CEACAM3: variants seen among roughly 807,000 people sequenced by gnomAD.
CEACAM3 encodes the protein CEA cell adhesion molecule 3.
In CEACAM3, 32 loss-of-function variants were observed where a neutral mutation model predicts 30.1. The observed-to-expected ratio is 1.06, with a 90% confidence interval of 0.80 to 1.43. The LOEUF (loss-of-function observed/expected upper bound fraction) is 1.43, where lower values mean the gene tolerates loss of function less well. Ranked by LOEUF, CEACAM3 falls within the 40% of genes most tolerant of loss-of-function variation. CEACAM3 has a pLI of 0.00. For synonymous variants in CEACAM3, 134 were observed against 127.2 expected, an observed-to-expected ratio of 1.05 and a Z score of -0.36; for missense variants, 290 against 316.3, an observed-to-expected ratio of 0.92 and a Z score of 0.63.
At chr19:41,802,646 C>A (rs2073161016) in intron 2 of CEACAM3, among the ~76,000 whole-genome samples, 1 of 152,152 alleles carries the variant, frequency 6.6e-6, no homozygotes, top group Non-Finnish European at 1.5e-5. Flanking sequence ...CCTAGAGCTA[C>A]CAGATTCTCA....
In CEACAM3 at chr19:41,808,858, T is replaced by C; in HGVS notation, c.470T>C (p.Val157Ala). 6.2e-7 allele frequency: 1 copy of C among 1,611,578 alleles called. No individual in the cohort carries two copies. Among genetic ancestry groups the C allele is most frequent in the Non-Finnish European group, 8.5e-7 (1 of 1,178,766 alleles). Residue 157 changes from valine (V) to alanine (A), a missense_variant, in exon 3 of 7, where the codon GTG becomes GCG. Val to Ala is a moderately conservative substitution (Grantham distance 64, BLOSUM62 0). Transcript: ENST00000357396. Reference protein sequence around the residue: ...GLPVGAVAGIVTGVLVGVALV... With the variant: ...GLPVGAVAGIATGVLVGVALV... ...CCTGTGGGGGCCGTCGCCGGCATCGTGACCGGGGTCCTGGTCGGAGTGGCG... is the reference window on the plus strand; with the variant it reads ...CCTGTGGGGGCCGTCGCCGGCATCGCGACCGGGGTCCTGGTCGGAGTGGCG...
chr19:41,806,755 C>T (rs1432647530), intron 2 of CEACAM3, among the ~76,000 whole-genome samples: 7 of 152,064 alleles, frequency 4.6e-5, no homozygotes, highest in Admixed American at 2.6e-4. Flanking sequence ...GGTGCGATCT[C>T]GGCTCACTGC....
chr19:41,803,567 C>G (rs529248675), intron 2 of CEACAM3, among the ~76,000 whole-genome samples: 1 of 151,654 alleles, frequency 6.6e-6, no homozygotes, highest in East Asian at 1.9e-4. Flanking sequence ...CCTGGGTTCA[C>G]GCCATTCTCC....
intron 1 of CEACAM3, 104 bp downstream of exon 1, chr19:41,796,845 T>A: frequency 1.6e-5 from 19 of 1,222,726 alleles, no homozygotes; most frequent in Non-Finnish European, 2.0e-5. Context: ...AGGCTTCTGC[T>A]GAAGCCTCAG....
chr19:41,798,632 G>T (rs2073122971), intron 2 of CEACAM3, among the ~76,000 whole-genome samples: 1 of 152,180 alleles, frequency 6.6e-6, no homozygotes, highest in Admixed American at 6.5e-5. Flanking sequence ...GACTCCATGG[G>T]AAGTTCAGTA....
intron 2 of CEACAM3, among the ~76,000 whole-genome samples, chr19:41,801,751 A>G (rs187062117): frequency 9.0e-4 from 137 of 152,296 alleles, no homozygotes; most frequent in African/African-American, 2.9e-3. Context: ...CATGGGTCAC[A>G]GTCCAGGTGG....
At chr19:41,799,100 A>G (rs1051306565) in intron 2 of CEACAM3, among the ~76,000 whole-genome samples, 3 of 152,158 alleles carry the variant, frequency 2.0e-5, no homozygotes, top group Admixed American at 1.3e-4. Context: ...GGGCAAATGG[A>G]AAATTAATCA....
intron 2 of CEACAM3, among the ~76,000 whole-genome samples, chr19:41,801,499 G>A (rs577178753): frequency 1.6e-4 from 24 of 152,320 alleles, no homozygotes; most frequent in South Asian, 8.3e-4. Flanking sequence ...CTGAGACCAC[G>A]ATATTGCAGT....
At chr19:41,800,262 T>C (rs2073135085) in intron 2 of CEACAM3, among the ~76,000 whole-genome samples, 1 of 152,170 alleles carries the variant, frequency 6.6e-6, no homozygotes, top group African/African-American at 2.4e-5. Flanking sequence ...AGTGCGAGCC[T>C]TCTGTTATGC....
chr19:41,803,045 C>T (rs1490607466), intron 2 of CEACAM3, among the ~76,000 whole-genome samples: 2 of 147,076 alleles, frequency 1.4e-5, no homozygotes, highest in African/African-American at 2.4e-5. Flanking sequence ...AACAAAACTG[C>T]ACAAGACAGA....
At chr19:41,799,065 G>A (rs990364515) in intron 2 of CEACAM3, among the ~76,000 whole-genome samples, 1 of 152,170 alleles carries the variant, frequency 6.6e-6, no homozygotes, top group Admixed American at 6.5e-5. Flanking sequence ...ATCTCAGAGG[G>A]GGAGATTTTG....
In CEACAM3 at chr19:41,798,979, C is replaced by T. The variant is rs140777884; in HGVS notation, c.424+1031C>T. Among the ~76,000 whole-genome samples, 579 of 152,298 alleles carry T rather than the reference C, an allele frequency of 3.8e-3. 3 individuals carry two copies. Among genetic ancestry groups the T allele is most frequent in the Non-Finnish European group, 5.7e-3 (386 of 68,020 alleles). On this transcript the variant is annotated intron_variant, in intron 2 of 6. Transcript: ENST00000357396. ...CAGCTGCCTCTTCTCCACCAGGGGA[C>T]GGCTGGCGTTATTATTAGACATCTG...
At chr19:41,802,956 C>T (rs1226159254) in intron 2 of CEACAM3, among the ~76,000 whole-genome samples, 4 of 152,136 alleles carry the variant, frequency 2.6e-5, no homozygotes, top group African/African-American at 9.7e-5. Flanking sequence ...AGAACCCTTC[C>T]CTCCCAACAC....
In CEACAM3 at chr19:41,801,873, G is replaced by T. The variant is rs566068001; in HGVS notation, c.424+3925G>T. Among the ~76,000 whole-genome samples, 4 of 152,304 alleles carry T rather than the reference G, an allele frequency of 2.6e-5. 1 individual carries two copies. In the South Asian group the frequency reaches 8.3e-4, roughly 32 times the overall value. The stretch of plus-strand genomic sequence containing the variant: ...AGCAATTAGGGAAGTCACAAATCTT[G>T]TGACCCTCCCATAATGCTGATCTCG... On this transcript the variant is annotated intron_variant, in intron 2 of 6. Transcript: ENST00000357396.
chr19:41,803,815 C>A (rs1380400635), intron 2 of CEACAM3, among the ~76,000 whole-genome samples: 1 of 151,920 alleles, frequency 6.6e-6, no homozygotes. Context: ...CGTGGTTGTT[C>A]ATGCTTGTAA....
chr19:41,797,570 G>A lies in CEACAM3; in HGVS notation c.65-19G>A. 1.9e-6 allele frequency: 3 copies of A among 1,604,276 alleles called. No homozygotes were observed. The highest frequency in any genetic ancestry group is 2.6e-6 in the Non-Finnish European group (3 of 1,174,506). On this transcript the variant is annotated intron_variant, in intron 1 of 6. Coordinates refer to ENST00000357396, the MANE Select transcript of CEACAM3 (RefSeq NM_001815.5). ...CAATACATGGGTCCCAATATTGACT[G>A]ATGCTTTCTCCCTCCTAGCCTCACT...
In CEACAM3 at chr19:41,811,208, A is replaced by G. The variant is rs1019639704; in HGVS notation, c.730A>G (p.Met244Val). 1.2e-6 allele frequency: 2 copies of G among 1,614,050 alleles called. No individual in the cohort carries two copies. Among genetic ancestry groups the G allele is most frequent in the Non-Finnish European group, 1.7e-6 (2 of 1,179,998 alleles). The change falls in exon 7 of 7, where the codon ATG becomes GTG. Residue 244 changes from methionine (M) to valine (V), a missense_variant. By Grantham distance (21) the Met-to-Val change is conservative (BLOSUM62 1). Transcript: ENST00000357396. ...LKHDTNIYCRMDHKAEVAS is the reference protein window; with the variant it reads ...LKHDTNIYCRVDHKAEVAS ...ACATGACACAAACATTTACTGCCGGATGGACCACAAAGCAGAAGTGGCTTC... is the reference window on the plus strand; with the variant it reads ...ACATGACACAAACATTTACTGCCGGGTGGACCACAAAGCAGAAGTGGCTTC...
intron 2 of CEACAM3, among the ~76,000 whole-genome samples, chr19:41,799,558 T>A (rs1001369162): frequency 6.6e-6 from 1 of 152,088 alleles, no homozygotes; most frequent in Non-Finnish European, 1.5e-5. Context: ...TAGAACTAAA[T>A]CCCTTGTGTC....
chr19:41,803,439 TG>T (rs2073169085), intron 2 of CEACAM3, among the ~76,000 whole-genome samples: 2 of 141,022 alleles, frequency 1.4e-5, no homozygotes, highest in South Asian at 4.8e-4. Context: ...TGTGTGTGTG[TG>T]TGTGTGTGTG....
Sources: allele counts gnomAD v4.1 joint callset (sites outside exome capture counted in the v4.1 genomes callset), GRCh38; gene constraint gnomAD v4.1.1; transcripts MANE v1.5; gene names NCBI Gene and HGNC (gene_info 2026-07-23, HGNC 2026-07-21).